MED26: variants seen among roughly 807,000 people sequenced by gnomAD.
MED26 encodes mediator of RNA polymerase II transcription subunit 26.
Under a neutral mutation model 43.7 loss-of-function variants are expected in MED26, and 7 were observed. The ratio of observed to expected loss-of-function variants is 0.16; its 90% confidence interval spans 0.09 to 0.30. The LOEUF is 0.30. Among genes scored for constraint, MED26 ranks in the 10% least tolerant of loss-of-function variants. The pLI is 1.00. For missense variants in MED26, 784 were observed against 840.6 expected (o/e 0.93, Z 0.83); for synonymous variants, 375 against 371.1 (o/e 1.01, Z -0.12).
At chr19:16,627,130 G>A (rs2086281910) in intron 1 of MED26, among the ~76,000 whole-genome samples, 1 of 152,104 alleles carries the variant, frequency 6.6e-6, no homozygotes, top group Non-Finnish European at 1.5e-5. Context: ...GGAGAGAAAA[G>A]TCCTCTTTAA....
At chr19:16,609,940 T>TCA (rs2086192049) in intron 1 of MED26, among the ~76,000 whole-genome samples, 3 of 134,442 alleles carry the variant, frequency 2.2e-5, no homozygotes, top group African/African-American at 8.6e-5. Context: ...CAAGCACTCT[T>TCA]TAAAAAAAAA....
chr19:16,601,190 T>A (rs1416598395), intron 1 of MED26, among the ~76,000 whole-genome samples: 1 of 149,626 alleles, frequency 6.7e-6, no homozygotes, highest in Non-Finnish European at 1.5e-5. Flanking sequence ...AGAGTTTCAC[T>A]CGTTTCCCAG....
chr19:16,622,174 G>GT (rs2086254697), intron 1 of MED26, among the ~76,000 whole-genome samples: 1 of 152,208 alleles, frequency 6.6e-6, no homozygotes, highest in African/African-American at 2.4e-5. Context: ...ATTCTCAACT[G>GT]TTTTCAAATA....
chr19:16,621,632 C>T (rs1005267428), intron 1 of MED26, among the ~76,000 whole-genome samples: 2 of 152,238 alleles, frequency 1.3e-5, no homozygotes, highest in South Asian at 2.1e-4. Flanking sequence ...TTTGAATAGG[C>T]TCCACAGAGA....
At chr19:16,618,849 A>G (rs2086237814) in intron 1 of MED26, among the ~76,000 whole-genome samples, 1 of 152,228 alleles carries the variant, frequency 6.6e-6, no homozygotes, top group African/African-American at 2.4e-5. Flanking sequence ...AGGCATAAGG[A>G]AACGTTTGGT....
intron 1 of MED26, among the ~76,000 whole-genome samples, chr19:16,592,305 G>A (rs1366830551): frequency 2.6e-5 from 4 of 152,150 alleles, no homozygotes; most frequent in Non-Finnish European, 5.9e-5. Flanking sequence ...TCCATACCAC[G>A]ACCCCACAGA....
chr19:16,620,426 GA>G, intron 1 of MED26, among the ~76,000 whole-genome samples: 1 of 152,238 alleles, frequency 6.6e-6, no homozygotes, highest in Non-Finnish European at 1.5e-5. Flanking sequence ...GTGAAGTGCT[GA>G]AAACCGCTGG....
At position 16,578,087 on chromosome 19, in the gene MED26, C is replaced by G. The variant is rs1224326620; in HGVS notation, c.147+248G>C. ...CTCTCACTGGAGCCTCCTCCAAGCA[C>G]ACCTCTCCTGATGTCCCCACGTGCC... On this transcript the variant is annotated intron_variant, in intron 2 of 2. Coordinates refer to ENST00000263390, the MANE Select transcript of MED26 (RefSeq NM_004831.5). 7 of 550,290 alleles carry G rather than the reference C, an allele frequency of 1.3e-5. No individual in the cohort carries two copies. In the Admixed American group the frequency reaches 2.1e-4, roughly 16 times the overall value. The allele number at this position is 550,290 out of a possible 1,614,324, so 34.1% of individuals were successfully genotyped here.
intron 1 of MED26, among the ~76,000 whole-genome samples, chr19:16,627,328 C>T (rs2086283593): frequency 6.6e-6 from 1 of 152,140 alleles, no homozygotes; most frequent in African/African-American, 2.4e-5. Flanking sequence ...CCTAGGTACC[C>T]GGCCAGGGGC....
chr19:16,582,069 G>T (rs2086048550), intron 1 of MED26, among the ~76,000 whole-genome samples: 1 of 152,272 alleles, frequency 6.6e-6, no homozygotes, highest in South Asian at 2.1e-4. Flanking sequence ...AGCCCGGTGA[G>T]ACTGGAGCTG....
At chr19:16,622,004 A>G (rs1318365190) in intron 1 of MED26, among the ~76,000 whole-genome samples, 2 of 152,172 alleles carry the variant, frequency 1.3e-5, no homozygotes, top group Non-Finnish European at 2.9e-5. Flanking sequence ...CCCACAGCAG[A>G]GAGGGAAAAC....
chr19:16,627,471 C>T (rs1039911850), intron 1 of MED26, among the ~76,000 whole-genome samples: 1 of 152,232 alleles, frequency 6.6e-6, no homozygotes, highest in Admixed American at 6.5e-5. Flanking sequence ...ACCCCGGACA[C>T]CAGTTGCTTC....
intron 1 of MED26, among the ~76,000 whole-genome samples, chr19:16,582,823 G>A (rs1247980232): frequency 6.6e-6 from 1 of 152,240 alleles, no homozygotes; most frequent in Non-Finnish European, 1.5e-5. Context: ...GCTGGAGAAG[G>A]ATGGGCAGGG....
intron 1 of MED26, among the ~76,000 whole-genome samples, chr19:16,612,603 A>C (rs2086204609): frequency 6.6e-6 from 1 of 152,202 alleles, no homozygotes; most frequent in Non-Finnish European, 1.5e-5. Flanking sequence ...TTGATTCTAA[A>C]GTATGTCTCT....
chr19:16,607,239 C>T (rs1599343469), intron 1 of MED26, among the ~76,000 whole-genome samples: 2 of 151,942 alleles, frequency 1.3e-5, no homozygotes, highest in South Asian at 4.2e-4. Flanking sequence ...GGTGTGGTGG[C>T]ATATACCTGT....
intron 1 of MED26, among the ~76,000 whole-genome samples, chr19:16,621,468 T>C (rs1282659235): frequency 6.6e-6 from 1 of 152,176 alleles, no homozygotes; most frequent in Non-Finnish European, 1.5e-5. Flanking sequence ...CCCTGACGTT[T>C]TCCAAGATTC....
chr19:16,615,976 T>G (rs2086224477), intron 1 of MED26, among the ~76,000 whole-genome samples: 1 of 152,162 alleles, frequency 6.6e-6, no homozygotes, highest in Non-Finnish European at 1.5e-5. Flanking sequence ...CACAGGTCTG[T>G]CTCTGAACCA....
chr19:16,600,493 A>T (rs1411851461), intron 1 of MED26, among the ~76,000 whole-genome samples: 1 of 152,084 alleles, frequency 6.6e-6, no homozygotes, highest in Non-Finnish European at 1.5e-5. Flanking sequence ...CCAGAATTTG[A>T]CAACCCTGCC....
Position 16,575,856 on chromosome 19 carries a change from G to A in MED26, c.*171C>T, listed in dbSNP as rs979333340. 6 of 609,914 alleles carry A rather than the reference G, an allele frequency of 9.8e-6. No individual in the cohort carries two copies. Among genetic ancestry groups the A allele is most frequent in the Non-Finnish European group, 1.7e-5 (6 of 348,900 alleles). The allele number at this position is 609,914 out of a possible 1,614,324, so 37.8% of individuals were successfully genotyped here. A position where few individuals can be genotyped will look rare whatever the true frequency, so the allele number is the denominator to read the frequency against. On this transcript the variant is annotated 3_prime_UTR_variant, in exon 3 of 3. Coordinates refer to ENST00000263390, the MANE Select transcript of MED26 (RefSeq NM_004831.5). The stretch of plus-strand genomic sequence containing the variant: ...AGCAGCATTTCACAAAAAGAGTTTT[G>A]AGGGAAGAGCGCAGAGAGACCGCGT...
Sources: gnomAD v4.1 joint callset for allele counts (sites outside exome capture counted in the v4.1 genomes callset) on GRCh38, gnomAD v4.1.1 for gene constraint, MANE v1.5 for transcripts, NCBI Gene and HGNC (gene_info 2026-07-23, HGNC 2026-07-21) for gene names.